Variants in DNAH8 observed in about 807,000 individuals in gnomAD.
DNAH8 encodes the protein dynein axonemal heavy chain 8, also known as axonemal beta dynein heavy chain 8.
Under a neutral mutation model 562.1 loss-of-function variants are expected in DNAH8, and 382 were observed. The observed-to-expected ratio is 0.68, with a 90% confidence interval of 0.63 to 0.74. The LOEUF is 0.74. DNAH8 is among the 30% of genes least tolerant of loss of function. The probability of loss-of-function intolerance (pLI) is 0.00; values close to 1 mark genes in which losing one functional copy is unlikely to be tolerated. For missense variants in DNAH8, 5,203 were observed against 5,620.4 expected (o/e 0.93, Z 2.37); for synonymous variants, 1,881 against 1,919.4 (o/e 0.98, Z 0.52).
chr6:38,843,618 A>G (rs1034601365), intron 35 of DNAH8, among the ~76,000 whole-genome samples: 1 of 152,210 alleles, frequency 6.6e-6, no homozygotes, highest in Non-Finnish European at 1.5e-5. Flanking sequence ...CTTTATCTAT[A>G]CTTCAACAAC....
At chr6:38,807,569 T>C (rs1771396197) in intron 23 of DNAH8, 41 bp from the exon 24 acceptor site, 1 of 1,169,428 alleles carries the variant, frequency 8.6e-7, no homozygotes, top group Non-Finnish European at 1.2e-6. Flanking sequence ...CTAGGTTTTT[T>C]GGAGGAGAGA....
intron 12 of DNAH8, among the ~76,000 whole-genome samples, chr6:38,772,687 G>A (rs1377525718): frequency 6.6e-6 from 1 of 151,918 alleles, no homozygotes; most frequent in Admixed American, 6.6e-5. Context: ...TTTGAAGTAC[G>A]ATAGTTTTTA....
intron 37 of DNAH8, among the ~76,000 whole-genome samples, chr6:38,849,648 A>G (rs1487384382): frequency 4.7e-5 from 7 of 150,398 alleles, no homozygotes; most frequent in Non-Finnish European, 1.0e-4. Context: ...GAAATGTATC[A>G]TTTTTGTTTT....
chr6:38,794,868 A>T (rs890972777), intron 21 of DNAH8, among the ~76,000 whole-genome samples: 4 of 151,458 alleles, frequency 2.6e-5, no homozygotes, highest in Non-Finnish European at 5.9e-5. Flanking sequence ...ATTCTTGTAA[A>T]TTTTTTTTTG....
intron 88 of DNAH8, among the ~76,000 whole-genome samples, chr6:38,997,734 A>G (rs1315074962): frequency 1.3e-5 from 2 of 152,112 alleles, no homozygotes; most frequent in Non-Finnish European, 2.9e-5. Context: ...GTTCAACAGC[A>G]TTCTTGCTTC....
chr6:38,749,801 A>G (rs1389054217), intron 8 of DNAH8, among the ~76,000 whole-genome samples: 2 of 152,132 alleles, frequency 1.3e-5, no homozygotes, highest in African/African-American at 2.4e-5. Context: ...TCACTTTGCT[A>G]GTAAGGTTTT....
Position 38,857,583 on chromosome 6 carries a change from A to G in DNAH8, c.5799A>G (p.Lys1933=), listed in dbSNP as rs1457724090. 5.0e-6 allele frequency: 8 copies of G among 1,613,982 alleles called. No homozygotes were observed. Among genetic ancestry groups the G allele is most frequent in the Non-Finnish European group, 6.8e-6 (8 of 1,179,900 alleles). ...CAGAAGAGGCTTTACGTAATGCAAA[A>G]GATGACAGGAAAATCATGCAAGTGA... The part of the protein sequence containing the change: ...HDSEEALRNA[K]DDRKIMQVTN... Residue 1933 remains lysine, a synonymous_variant, in exon 42 of 93, where the codon AAA becomes AAG. Coordinates refer to ENST00000327475, the MANE Select transcript of DNAH8 (RefSeq NM_001206927.2).
intron 41 of DNAH8, among the ~76,000 whole-genome samples, chr6:38,856,821 T>G (rs775946815): frequency 1.3e-5 from 2 of 152,148 alleles, no homozygotes; most frequent in Non-Finnish European, 2.9e-5. Flanking sequence ...ATGTTGGATC[T>G]GTCATTCGAC....
chr6:38,993,130 T>C (rs774217944), intron 88 of DNAH8, among the ~76,000 whole-genome samples: 16 of 152,342 alleles, frequency 1.1e-4, no homozygotes, highest in Non-Finnish European at 2.4e-4. Context: ...ACCTCAGGGT[T>C]GTTCTTTGTC....
intron 88 of DNAH8, among the ~76,000 whole-genome samples, chr6:38,994,459 GAAAGCTTCTTCCCTCATC>G (rs1764997288): frequency 6.7e-6 from 1 of 149,842 alleles, no homozygotes; most frequent in South Asian, 2.1e-4. Flanking sequence ...GTAATAGTAA[GAAAGCTTCTTCCCTCATC>G]AGGGTATAAA....
At chr6:38,947,765 T>C (rs1167461187) in intron 80 of DNAH8, among the ~76,000 whole-genome samples, 2 of 151,900 alleles carry the variant, frequency 1.3e-5, no homozygotes, top group African/African-American at 4.8e-5. Flanking sequence ...TTTTTTTTCT[T>C]GAGATGGAGT....
chr6:38,954,714 A>T lies in DNAH8; in HGVS notation c.12451+3194A>T, dbSNP rs1202786222. On this transcript the variant is annotated intron_variant, in intron 82 of 92. Transcript: ENST00000327475. Reference sequence around the variant, plus strand: ...CGAAACTCCGTCTCAAAAAAAAAAAAAAAAAAAAAAAAAATAAATTACAGC... The same window carrying T: ...CGAAACTCCGTCTCAAAAAAAAAAATAAAAAAAAAAAAAATAAATTACAGC... Among the ~76,000 whole-genome samples the T allele has an allele frequency of 1.6e-3, 2 of 1,226 alleles. 1 individual carries two copies. The highest frequency in any genetic ancestry group is 0.032 in the African/African-American group (2 of 62). The allele number at this position is 1,226 out of a possible 152,430, so 0.8% of individuals were successfully genotyped here. A position where few individuals can be genotyped will look rare whatever the true frequency, so the allele number is the denominator to read the frequency against.
At chr6:38,838,342 G>A (rs1464197278) in intron 33 of DNAH8, among the ~76,000 whole-genome samples, 1 of 152,112 alleles carries the variant, frequency 6.6e-6, no homozygotes, top group Non-Finnish European at 1.5e-5. Context: ...TTATGCAGAA[G>A]CACAGCAATT....
At position 38,827,723 on chromosome 6, in the gene DNAH8, C is replaced by A. The variant is rs1270884286; in HGVS notation, c.4084-461C>A. On this transcript the variant is annotated intron_variant, in intron 29 of 92. Transcript: ENST00000327475. ...TTTCCCTGACTGCAAAAGCTTAATT[C>A]TTTACCAAACTTTTTTTTTTTTTTT... Among the ~76,000 whole-genome samples the A allele has an allele frequency of 1.1e-4, 4 of 35,812 alleles. 1 individual carries two copies. Among genetic ancestry groups the A allele is most frequent in the South Asian group, 2.0e-3 (2 of 994 alleles). 23.5% of individuals were successfully genotyped at this position (35,812 alleles called of 152,430 possible).
At chr6:38,918,857 G>T (rs1011122797) in intron 70 of DNAH8, among the ~76,000 whole-genome samples, 10 of 152,144 alleles carry the variant, frequency 6.6e-5, no homozygotes, top group African/African-American at 1.9e-4. Flanking sequence ...ATTATAAGTG[G>T]TTGCTCTGTG....
At chr6:38,984,154 T>C (rs1764211743) in intron 86 of DNAH8, 52 bp from the exon 87 acceptor site, 2 of 1,077,380 alleles carry the variant, frequency 1.9e-6, no homozygotes, top group East Asian at 4.9e-5. Context: ...GAAATGTTTA[T>C]AATGATGTGT....
chr6:38,734,873 T>G (rs1763964403), intron 5 of DNAH8, among the ~76,000 whole-genome samples: 1 of 152,240 alleles, frequency 6.6e-6, no homozygotes, highest in Non-Finnish European at 1.5e-5. Context: ...ATAACACATT[T>G]AATTTTGTTG....
Position 38,775,739 on chromosome 6 carries a change from A to C in DNAH8, c.1765-15A>C. 6.5e-7 allele frequency: 1 copy of C among 1,537,344 alleles called. No homozygotes were observed. The highest frequency in any genetic ancestry group is 1.4e-5 in the African/African-American group (1 of 72,272). Reference sequence around the variant, plus strand: ...ATCTCATTTAAAAAAGCAAAATAACATTTCTCTTTTTAAGATTACAGAAAT... The same window carrying C: ...ATCTCATTTAAAAAAGCAAAATAACCTTTCTCTTTTTAAGATTACAGAAAT... On this transcript the variant is annotated splice_polypyrimidine_tract_variant and intron_variant, in intron 12 of 92. Transcript: ENST00000327475.
In DNAH8 at chr6:38,847,241, CA is replaced by C. The variant is rs1775372412; in HGVS notation, c.5046-1406del. On this transcript the variant is annotated intron_variant, in intron 36 of 92. Transcript: ENST00000327475. ...ACAATGCAGGTATCTAGCCAAAGGA[CA>C]GAAACTAGCTATGCTCGATTTTATT... Among the ~76,000 whole-genome samples, 4 of 152,234 alleles carry C rather than the reference CA, an allele frequency of 2.6e-5. No homozygotes were observed. The South Asian group carries it at 8.3e-4, about 32-fold the overall frequency.
Sources: allele counts gnomAD v4.1 joint callset (sites outside exome capture counted in the v4.1 genomes callset), GRCh38; gene constraint gnomAD v4.1.1; transcripts MANE v1.5; gene names NCBI Gene and HGNC (gene_info 2026-07-23, HGNC 2026-07-21).